Variants in YEATS2 observed in about 807,000 individuals in gnomAD.
The protein encoded by YEATS2 is YEATS domain containing 2.
YEATS2 carries 77 observed loss-of-function variants against 163.2 expected under a neutral mutation model. That is an observed-to-expected ratio of 0.47 (90% CI 0.39 to 0.57). The LOEUF is 0.57. Among genes scored for constraint, YEATS2 ranks in the 20% least tolerant of loss-of-function variants. YEATS2 has a pLI of 0.00. For synonymous variants in YEATS2, 631 were observed against 645.1 expected, an observed-to-expected ratio of 0.98 and a Z score of 0.33; for missense variants, 1,549 against 1,729.8, an observed-to-expected ratio of 0.90 and a Z score of 1.85.
chr3:183,758,754 A>T (rs2109330975), intron 12 of YEATS2, 108 bp from the exon 13 acceptor site: 1 of 836,832 alleles, frequency 1.2e-6, no homozygotes, highest in South Asian at 1.6e-5. Context: ...TCAACCCTTA[A>T]ACATGAAAAA....
chr3:183,759,073 A>T, intron 13 of YEATS2, 108 bp downstream of exon 13: 1 of 730,340 alleles, frequency 1.4e-6, no homozygotes, highest in Non-Finnish European at 2.1e-6. Context: ...ACCAGGCTGT[A>T]TCGAACTCCT....
chr3:183,704,838 A>G (rs1357470744), intron 1 of YEATS2, among the ~76,000 whole-genome samples: 1 of 152,108 alleles, frequency 6.6e-6, no homozygotes, highest in Non-Finnish European at 1.5e-5. Flanking sequence ...CACATTGGCC[A>G]GGCTAGTTTC....
Position 183,758,940 on chromosome 3 carries a change from G to A in YEATS2, c.1631G>A (p.Ser544Asn), listed in dbSNP as rs1721054777. ...TGSPVPKIHGSSFVTSTVKQE... is the reference protein window; with the variant it reads ...TGSPVPKIHGNSFVTSTVKQE... ...TCCCCTGTTCCTAAAATTCATGGAA[G>A]TAGTTTTGTAACATCTACTGTCAAG... The change falls in exon 13 of 31, where the codon AGT becomes AAT. Residue 544 changes from serine to asparagine, a missense_variant. By Grantham distance (46) the Ser-to-Asn change is conservative. Transcript: ENST00000305135. 4 of 1,588,882 alleles carry A rather than the reference G, an allele frequency of 2.5e-6. No homozygotes were observed. Among genetic ancestry groups the A allele is most frequent in the East Asian group, 4.5e-5 (2 of 44,096 alleles).
chr3:183,717,793 A>C (rs533034245), intron 3 of YEATS2, 45 bp downstream of exon 3: 13 of 1,197,528 alleles, frequency 1.1e-5, no homozygotes, highest in Admixed American at 5.7e-5. Context: ...CTATTGAAAA[A>C]AATGTATACA....
intron 17 of YEATS2, among the ~76,000 whole-genome samples, chr3:183,774,800 A>C (rs1722805513): frequency 6.6e-6 from 1 of 152,222 alleles, no homozygotes. Flanking sequence ...TTCATTGACC[A>C]TGATGTGTCA....
chr3:183,714,754 A>G (rs530548337), intron 1 of YEATS2, among the ~76,000 whole-genome samples: 2 of 152,272 alleles, frequency 1.3e-5, no homozygotes, highest in Non-Finnish European at 2.9e-5. Flanking sequence ...TGTGTGGGCT[A>G]ACCATGTTTT....
intron 7 of YEATS2, among the ~76,000 whole-genome samples, chr3:183,730,615 T>C (rs1380740335): frequency 6.6e-6 from 1 of 152,144 alleles, no homozygotes; most frequent in Non-Finnish European, 1.5e-5. Flanking sequence ...CAGACCACCT[T>C]TCCCTGCCAA....
intron 20 of YEATS2, among the ~76,000 whole-genome samples, chr3:183,790,383 A>G (rs948732060): frequency 2.6e-5 from 4 of 152,064 alleles, no homozygotes; most frequent in Non-Finnish European, 5.9e-5. Context: ...TGTTTGTTCA[A>G]TGAAGTGACA....
chr3:183,803,514 C>T (rs1725890778), intron 26 of YEATS2, 179 bp downstream of exon 26: 2 of 639,248 alleles, frequency 3.1e-6, no homozygotes. Flanking sequence ...CCTTCTTTTC[C>T]TGCACTGGCA....
At chr3:183,806,136 C>G (rs1475674146) in intron 27 of YEATS2, 3 of 369,678 alleles carry the variant, frequency 8.1e-6, no homozygotes, top group South Asian at 4.1e-5. Flanking sequence ...CTTACGATGG[C>G]CTTGTCCAGA....
At chr3:183,742,565 G>T (rs1232275649) in intron 8 of YEATS2, among the ~76,000 whole-genome samples, 1 of 152,244 alleles carries the variant, frequency 6.6e-6, no homozygotes, top group South Asian at 2.1e-4. Flanking sequence ...CTTAATGCAT[G>T]AGGATTTGCT....
intron 20 of YEATS2, among the ~76,000 whole-genome samples, chr3:183,787,244 G>T (rs115258235): frequency 6.6e-6 from 1 of 152,094 alleles, no homozygotes; most frequent in African/African-American, 2.4e-5. Flanking sequence ...GAGCCACTGC[G>T]CCCGGCCTGT....
chr3:183,734,146 GAAGT>G (rs1718097019), intron 7 of YEATS2, among the ~76,000 whole-genome samples: 1 of 152,210 alleles, frequency 6.6e-6, no homozygotes, highest in Non-Finnish European at 1.5e-5. Context: ...CCACATTAGA[GAAGT>G]AAGTACCCAG....
chr3:183,766,922 G>A (rs148046124), intron 15 of YEATS2, among the ~76,000 whole-genome samples: 2 of 151,706 alleles, frequency 1.3e-5, no homozygotes, highest in African/African-American at 4.8e-5. Flanking sequence ...CAGTCTGCCT[G>A]CCTCAGCCTC....
intron 4 of YEATS2, among the ~76,000 whole-genome samples, 180 bp from the exon 5 acceptor site, chr3:183,721,710 GT>G (rs1716506484): frequency 6.6e-6 from 1 of 152,126 alleles, no homozygotes; most frequent in African/African-American, 2.4e-5. Context: ...CATCATTCTA[GT>G]TTTTGTTTGG....
In YEATS2 at chr3:183,728,799, G is replaced by A; in HGVS notation, c.760G>A (p.Val254Ile). Residue 254 changes from valine to isoleucine, a missense_variant, in exon 7 of 31, where the codon GTT becomes ATT. Physicochemically the swap from Val to Ile is conservative, Grantham distance 29 (BLOSUM62 3). Coordinates refer to ENST00000305135, the MANE Select transcript of YEATS2 (RefSeq NM_018023.5). Reference protein sequence around the residue: ...EPSINHFVKKVWFFLHPSYKP... With the variant: ...EPSINHFVKKIWFFLHPSYKP... The stretch of plus-strand genomic sequence containing the variant: ...CAGCATTAATCATTTTGTCAAGAAG[G>A]TTTGGTTCTTCCTTCATCCTAGCTA... 2 of 1,614,136 alleles carry A rather than the reference G, an allele frequency of 1.2e-6. No individual in the cohort carries two copies. The highest frequency in any genetic ancestry group is 1.1e-5 in the South Asian group (1 of 91,070).
At chr3:183,766,339 C>T (rs984673221) in intron 15 of YEATS2, among the ~76,000 whole-genome samples, 6 of 152,170 alleles carry the variant, frequency 3.9e-5, no homozygotes, top group Admixed American at 1.3e-4. Context: ...CAGGCATATC[C>T]ATGCCTAAGT....
chr3:183,805,017 CAG>C (rs1262078954), intron 27 of YEATS2, among the ~76,000 whole-genome samples: 1 of 150,656 alleles, frequency 6.6e-6, no homozygotes, highest in Admixed American at 6.6e-5. Context: ...ACAAAAAAAA[CAG>C]ACCACTGCTG....
At chr3:183,807,876 T>C in intron 28 of YEATS2, 154 bp from the exon 29 acceptor site, 1 of 591,662 alleles carries the variant, frequency 1.7e-6, no homozygotes, top group East Asian at 2.9e-5. Flanking sequence ...GATGTTATAT[T>C]CCGTGTTCCT....
Sources: allele counts gnomAD v4.1 joint callset (sites outside exome capture counted in the v4.1 genomes callset), GRCh38; gene constraint gnomAD v4.1.1; transcripts MANE v1.5; gene names NCBI Gene and HGNC (gene_info 2026-07-23, HGNC 2026-07-21).